Variants in KIAA1549 observed in about 807,000 individuals in gnomAD.
KIAA1549 encodes the protein KIAA1549, also known as UPF0606 protein KIAA1549.
KIAA1549 carries 70 observed loss-of-function variants against 156.4 expected under a neutral mutation model. The ratio of observed to expected loss-of-function variants is 0.45; its 90% CI spans 0.37 to 0.55. The LOEUF is 0.55. Among genes scored for constraint, KIAA1549 ranks in the 20% least tolerant of loss-of-function variants. The pLI, the probability that KIAA1549 is intolerant of heterozygous loss-of-function variation, is 0.00. For synonymous variants in KIAA1549, 1,103 were observed against 1,066.4 expected, an observed-to-expected ratio of 1.03 and a Z score of -0.67; for missense variants, 2,428 against 2,540.9, an observed-to-expected ratio of 0.96 and a Z score of 0.96.
At chr7:138,900,233 G>T (rs2130444761) in intron 8 of KIAA1549, among the ~76,000 whole-genome samples, 1 of 152,264 alleles carries the variant, frequency 6.6e-6, no homozygotes, top group South Asian at 2.1e-4. Context: ...CCTTCTTCCA[G>T]ATCGTGTCTA....
At position 138,918,159 on chromosome 7, in the gene KIAA1549, A is replaced by G. The variant is rs1202974185; in HGVS notation, c.1467T>C (p.Pro489=). The G allele has an allele frequency of 1.2e-6, 2 of 1,613,972 alleles. No individual in the cohort carries two copies. The highest frequency in any genetic ancestry group is 1.7e-6 in the Non-Finnish European group (2 of 1,179,852). Residue 489 remains proline, a synonymous_variant, in exon 2 of 20, where the codon CCT becomes CCC. Transcript: ENST00000422774. This position sits in a 1 kb window ranked among gnomAD's most constrained non-coding sequence, Gnocchi z 4.2. The part of the protein sequence containing the change: ...QVFNTLFPSR[P]IVPLSSRSME... ...TGGATCTAGAAGAAAGTGGGACGAT[A>G]GGTCTGGAGGGGAAAAGCGTATTAA... is the stretch of plus-strand genomic sequence containing the variant.
At chr7:138,878,411 A>G (rs945383891) in intron 12 of KIAA1549, among the ~76,000 whole-genome samples, 1 of 152,250 alleles carries the variant, frequency 6.6e-6, no homozygotes, top group Non-Finnish European at 1.5e-5. Flanking sequence ...TCTGCACTGC[A>G]TTTCCATACA....
At chr7:138,934,553 C>T (rs1310863856) in intron 1 of KIAA1549, among the ~76,000 whole-genome samples, 3 of 152,054 alleles carry the variant, frequency 2.0e-5, no homozygotes, top group Admixed American at 1.3e-4. Flanking sequence ...AAATAAGAGA[C>T]ACCATAGTGT....
rs113970988 is a variant in KIAA1549 at position 138,851,755 on chromosome 7, C to T, written c.5294+468G>A. The stretch of plus-strand genomic sequence containing the variant: ...TTCACCCTTACTCCTAGAGCATAAC[C>T]TCCAAACTCAAAACCTCTGGATGTT... On this transcript the variant is annotated intron_variant, in intron 17 of 19. Transcript: ENST00000422774. Among the ~76,000 whole-genome samples the T allele has an allele frequency of 4.1e-3, 629 of 152,306 alleles. 1 individual carries two copies. Among genetic ancestry groups the T allele is most frequent in the African/African-American group, 0.014 (595 of 41,556 alleles).
At chr7:138,897,232 C>G (rs1811707955) in intron 9 of KIAA1549, among the ~76,000 whole-genome samples, 1 of 152,202 alleles carries the variant, frequency 6.6e-6, no homozygotes, top group South Asian at 2.1e-4. Context: ...CTATTTTTTG[C>G]TCACTGCTTT....
chr7:138,875,492 T>A (rs1032745125), intron 12 of KIAA1549, among the ~76,000 whole-genome samples: 2 of 151,218 alleles, frequency 1.3e-5, no homozygotes, highest in African/African-American at 4.9e-5. Flanking sequence ...AAAAAGTAAA[T>A]AAAAAGTTAG....
At chr7:138,904,078 C>G (rs975254272) in intron 7 of KIAA1549, among the ~76,000 whole-genome samples, 1 of 152,162 alleles carries the variant, frequency 6.6e-6, no homozygotes, top group African/African-American at 2.4e-5. Context: ...GGCGCCTACG[C>G]AAGATCAAAC....
chr7:138,906,897 T>C (rs370057146), intron 6 of KIAA1549, 22 bp downstream of exon 6: 77 of 1,430,754 alleles, frequency 5.4e-5, no homozygotes, highest in Admixed American at 4.4e-4. Context: ...CTCCCCAGCA[T>C]GTCCAAGAGG....
chr7:138,866,645 G>A (rs1455230141), intron 15 of KIAA1549, among the ~76,000 whole-genome samples: 1 of 152,134 alleles, frequency 6.6e-6, no homozygotes, highest in East Asian at 1.9e-4. Flanking sequence ...CTCTGTCTTC[G>A]GGTATCTTTG....
At chr7:138,948,205 TA>T (rs1813389639) in intron 1 of KIAA1549, among the ~76,000 whole-genome samples, 1 of 152,096 alleles carries the variant, frequency 6.6e-6, no homozygotes, top group Admixed American at 6.5e-5. Context: ...GCAATCAAGG[TA>T]AAGTGAGGTC....
chr7:138,854,593 A>G (rs1810330525), intron 16 of KIAA1549, among the ~76,000 whole-genome samples: 1 of 152,146 alleles, frequency 6.6e-6, no homozygotes, highest in Non-Finnish European at 1.5e-5. Context: ...GAGAGTGATC[A>G]GGCTCCCCTT....
intron 2 of KIAA1549, among the ~76,000 whole-genome samples, chr7:138,916,536 C>T (rs1439889783): frequency 1.3e-5 from 2 of 152,172 alleles, no homozygotes; most frequent in Non-Finnish European, 2.9e-5. Flanking sequence ...TAACTAAGCT[C>T]CTTGTTTAAT....
chr7:138,886,780 C>A (rs1175763139), intron 10 of KIAA1549, among the ~76,000 whole-genome samples: 1 of 152,232 alleles, frequency 6.6e-6, no homozygotes, highest in Admixed American at 6.5e-5. Flanking sequence ...TTCAGCAGTT[C>A]ATGAGCATAA....
intron 15 of KIAA1549, 106 bp from the exon 16 acceptor site, chr7:138,861,562 G>T: frequency 1.0e-6 from 1 of 958,996 alleles, no homozygotes; most frequent in South Asian, 1.4e-5. Context: ...ATTAAAAAAT[G>T]ACAGTTGAGG....
At chr7:138,891,334 G>A (rs10247127) in intron 10 of KIAA1549, among the ~76,000 whole-genome samples, 315 of 152,348 alleles carry the variant, frequency 2.1e-3, no homozygotes, top group African/African-American at 6.9e-3. Context: ...CACCAGTAAC[G>A]AGGTGTGGAC....
chr7:138,893,154 G>C (rs931346572), intron 10 of KIAA1549, among the ~76,000 whole-genome samples: 2 of 152,212 alleles, frequency 1.3e-5, no homozygotes, highest in African/African-American at 4.8e-5. Flanking sequence ...GGAAACTGTT[G>C]AAACATACGT....
chr7:138,966,233 G>C (rs1814020677), intron 1 of KIAA1549, among the ~76,000 whole-genome samples: 1 of 151,966 alleles, frequency 6.6e-6, no homozygotes, highest in African/African-American at 2.4e-5. Context: ...AAGTAGGGTG[G>C]ACCCCTATCC....
At chr7:138,864,013 GC>G (rs893650856) in intron 15 of KIAA1549, among the ~76,000 whole-genome samples, 18 of 152,294 alleles carry the variant, frequency 1.2e-4, no homozygotes, top group Non-Finnish European at 2.2e-4. Flanking sequence ...AGATGAGGAA[GC>G]CTGGTCGGCA....
intron 9 of KIAA1549, among the ~76,000 whole-genome samples, chr7:138,897,969 T>A (rs1811733237): frequency 7.2e-6 from 1 of 138,628 alleles, no homozygotes; most frequent in South Asian, 2.5e-4. Flanking sequence ...AAAAATACAC[T>A]CTTCCATGTG....
Sources: gnomAD v4.1 joint callset for allele counts (sites outside exome capture counted in the v4.1 genomes callset) on GRCh38, gnomAD v4.1.1 for gene constraint, Gnocchi (gnomAD v3.1) non-coding constraint, MANE v1.5 for transcripts, NCBI Gene and HGNC (gene_info 2026-07-23, HGNC 2026-07-21) for gene names.